The following NFE2L1 variants were observed in gnomAD, a reference collection of about 807,000 sequenced individuals.
NFE2L1 encodes the protein NFE2 like bZIP transcription factor 1, also known as endoplasmic reticulum membrane sensor NFE2L1.
Under a neutral mutation model 61.6 loss-of-function variants are expected in NFE2L1, and 18 were observed. The ratio of observed to expected loss-of-function variants is 0.29; its 90% CI spans 0.20 to 0.43. The LOEUF is 0.43. Among genes scored for constraint, NFE2L1 ranks in the 20% least tolerant of loss-of-function variants. The pLI, the probability that NFE2L1 is intolerant of heterozygous loss-of-function variation, is 1.00. For missense variants in NFE2L1, 827 were observed against 973.5 expected, an observed-to-expected ratio of 0.85 and a Z score of 2.00; for synonymous variants, 419 against 402.7, an observed-to-expected ratio of 1.04 and a Z score of -0.48.
chr17:48,056,632 T>C, intron 3 of NFE2L1, 34 bp downstream of exon 3: 1 of 1,607,540 alleles, frequency 6.2e-7, no homozygotes, highest in Non-Finnish European at 8.5e-7. Flanking sequence ...GCTCTCTTCT[T>C]GTCCCTACTA....
In NFE2L1 at chr17:48,056,399, T is replaced by C; in HGVS notation, c.524T>C (p.Ile175Thr). The change falls in exon 3 of 6, where the codon ATT becomes ACT. Residue 175 changes from isoleucine (I) to threonine (T), a missense_variant. Transcript: ENST00000362042. ...TCTGTCTTTCAGGACATAGATCTGA[T>C]TGACATCCTTTGGCGACAGGATATT... ...GDLTKEDIDL[I>T]DILWRQDIDL... 1.2e-6 allele frequency: 2 copies of C among 1,614,154 alleles called. No individual in the cohort carries two copies. Among genetic ancestry groups the C allele is most frequent in the South Asian group, 2.2e-5 (2 of 91,084 alleles).
At chr17:48,055,699 G>A (rs1258349492) in intron 2 of NFE2L1, among the ~76,000 whole-genome samples, 3 of 152,128 alleles carry the variant, frequency 2.0e-5, no homozygotes, top group Non-Finnish European at 2.9e-5. Context: ...CAGCAGCTAG[G>A]ATCAGCTGAG....
chr17:48,059,183 A>C lies in NFE2L1; in HGVS notation c.1861A>C (p.Met621Leu). Residue 621 changes from methionine (M) to leucine (L), a missense_variant, in exon 6 of 6, where the codon ATG becomes CTG. Met to Leu is a conservative substitution (Grantham distance 15). This residue lies in a region of NFE2L1 where 74 missense variants were observed against 127.8 expected (regional missense o/e 0.58). Transcript: ENST00000362042. This position sits in a 1 kb window ranked among gnomAD's most constrained non-coding sequence, Gnocchi z 6.1. ...CCGGGATGAGCACCGAGCCCGAGCC[A>C]TGAAGATCCCTTTCACCAATGACAA... is the stretch of plus-strand genomic sequence containing the variant. ...MSRDEHRARA[M>L]KIPFTNDKII... 6.2e-7 allele frequency: 1 copy of C among 1,614,138 alleles called. No individual in the cohort carries two copies. The highest frequency in any genetic ancestry group is 8.5e-7 in the Non-Finnish European group (1 of 1,180,024).
intron 2 of NFE2L1, among the ~76,000 whole-genome samples, chr17:48,053,185 G>T (rs2037299923): frequency 6.6e-6 from 1 of 152,124 alleles, no homozygotes; most frequent in Non-Finnish European, 1.5e-5. Flanking sequence ...CTGCATATCT[G>T]TTCCTGCTGG....
At chr17:48,057,561 T>C (rs927587619) in intron 5 of NFE2L1, 59 bp downstream of exon 5, 3 of 1,550,708 alleles carry the variant, frequency 1.9e-6, no homozygotes, top group African/African-American at 2.8e-5. Context: ...GTCTTAGCAC[T>C]CAGTTGCTTT....
In NFE2L1 at chr17:48,058,444, C is replaced by T; in HGVS notation, c.1122C>T (p.Asp374=). 1.2e-6 allele frequency: 2 copies of T among 1,614,172 alleles called. No homozygotes were observed. Among genetic ancestry groups the T allele is most frequent in the Non-Finnish European group, 1.7e-6 (2 of 1,180,022 alleles). The change falls in exon 6 of 6, where the codon GAC becomes GAT. Residue 374 remains aspartate, a synonymous_variant. Transcript: ENST00000362042. ...HQASLGGCSQ[D]FLLFSPEVES... is the part of the protein sequence containing the mutation. ...CGTCCCTGGGGGGCTGCAGCCAGGA[C>T]TTCTTACTCTTCAGCCCCGAGGTGG... is the stretch of plus-strand genomic sequence containing the variant.
intron 1 of NFE2L1, among the ~76,000 whole-genome samples, chr17:48,049,610 C>T (rs1466339880): frequency 2.0e-5 from 3 of 152,232 alleles, no homozygotes; most frequent in Admixed American, 2.0e-4. Flanking sequence ...TCAGGCTGGT[C>T]TCAAACTCCC....
In NFE2L1 at chr17:48,050,665, G is replaced by C; in HGVS notation, c.-454G>C. 2.3e-6 allele frequency: 1 copy of C among 431,478 alleles called. No homozygotes were observed. Among genetic ancestry groups the C allele is most frequent in the East Asian group, 3.3e-5 (1 of 30,448 alleles). The allele number at this position is 431,478 out of a possible 1,614,324, so 26.7% of individuals were successfully genotyped here. A position where few individuals can be genotyped will look rare whatever the true frequency, so the allele number is the denominator to read the frequency against. On this transcript the variant is annotated 5_prime_UTR_variant, in exon 2 of 6. Coordinates refer to ENST00000362042, the MANE Select transcript of NFE2L1 (RefSeq NM_003204.3). ...GAGGCGGGACACTCTGACCCAAGACGAAAGGCCTGTAGCTCCAGCCAAAGA... is the reference window on the plus strand; with the variant it reads ...GAGGCGGGACACTCTGACCCAAGACCAAAGGCCTGTAGCTCCAGCCAAAGA...
At position 48,056,606 on chromosome 17, in the gene NFE2L1, C is replaced by G. The variant is rs745469974; in HGVS notation, c.723+8C>G. 1 of 1,611,980 alleles carries G rather than the reference C, an allele frequency of 6.2e-7. No individual in the cohort carries two copies. The highest frequency in any genetic ancestry group is 1.7e-5 in the Admixed American group (1 of 59,976). On this transcript the variant is annotated splice_region_variant and intron_variant, in intron 3 of 5. Coordinates refer to ENST00000362042, the MANE Select transcript of NFE2L1 (RefSeq NM_003204.3). Reference sequence around the variant, plus strand: ...GAGAGCTTCCCTGCACAGGTACCATCGCCCCTGCTCACTGGGCTCTCTTCT... The same window carrying G: ...GAGAGCTTCCCTGCACAGGTACCATGGCCCCTGCTCACTGGGCTCTCTTCT...
chr17:48,056,733 T>A, intron 3 of NFE2L1, 135 bp downstream of exon 3: 1 of 1,147,448 alleles, frequency 8.7e-7, no homozygotes, highest in Non-Finnish European at 1.2e-6. Context: ...CTGTTTTGGG[T>A]TGGGGTCTGT....
intron 3 of NFE2L1, 72 bp downstream of exon 3, chr17:48,056,670 TC>T: frequency 1.9e-6 from 3 of 1,542,058 alleles, no homozygotes; most frequent in Non-Finnish European, 2.6e-6. Context: ...CTGGAGTTCT[TC>T]CAGAAACTTC....
intron 5 of NFE2L1, 136 bp downstream of exon 5, chr17:48,057,638 A>G: frequency 1.7e-6 from 2 of 1,163,888 alleles, no homozygotes; most frequent in Non-Finnish European, 2.4e-6. Flanking sequence ...CAATGAGAAG[A>G]AACCTGTCCA....
In NFE2L1 at chr17:48,058,962, A is replaced by C; in HGVS notation, c.1640A>C (p.Glu547Ala). Residue 547 changes from glutamate to alanine, a missense_variant, in exon 6 of 6, where the codon GAG (glutamate) becomes GCG (alanine). By Grantham distance (107) the Glu-to-Ala change is moderately radical. Around this residue, in one of 3 missense-constraint regions of NFE2L1, gnomAD observed 667 missense variants for 748.4 expected, o/e 0.89. Coordinates refer to ENST00000362042, the MANE Select transcript of NFE2L1 (RefSeq NM_003204.3). The stretch of plus-strand genomic sequence containing the variant: ...GAGGGTGCTGTGGGCTACCAGCCTG[A>C]GTATTCCAAGTTCTGCCGCATGAGC... ...EAEGAVGYQPEYSKFCRMSYQ... is the reference protein window; with the variant it reads ...EAEGAVGYQPAYSKFCRMSYQ... 1.2e-6 allele frequency: 2 copies of C among 1,614,064 alleles called. No homozygotes were observed. Among genetic ancestry groups the C allele is most frequent in the South Asian group, 1.1e-5 (1 of 91,084 alleles).
At chr17:48,053,720 C>T (rs556619037) in intron 2 of NFE2L1, among the ~76,000 whole-genome samples, 13 of 152,282 alleles carry the variant, frequency 8.5e-5, no homozygotes, top group South Asian at 8.3e-4. Context: ...AATTTCCCCT[C>T]GAGAAACCAA....
rs1273648841 is a variant in NFE2L1, at chr17:48,059,365, T to C, written c.2043T>C (p.Asn681=). 8.7e-6 allele frequency: 14 copies of C among 1,614,110 alleles called. No homozygotes were observed. In the East Asian group the frequency reaches 2.7e-4, roughly 31 times the overall value. Residue 681 remains asparagine, a synonymous_variant, in exon 6 of 6, where the codon AAT becomes AAC. Coordinates refer to ENST00000362042, the MANE Select transcript of NFE2L1 (RefSeq NM_003204.3). The surrounding 1 kb of genome is among the most constrained non-coding windows in gnomAD (Gnocchi z 6.1). ...CRKRKLDTIL[N]LERDVEDLQR... Reference sequence around the variant, plus strand: ...AGCGCAAGCTGGACACCATCCTGAATCTGGAGCGTGATGTGGAGGACCTGC... The same window carrying C: ...AGCGCAAGCTGGACACCATCCTGAACCTGGAGCGTGATGTGGAGGACCTGC...
At position 48,051,298 on chromosome 17, in the gene NFE2L1, T is replaced by C. The variant is rs138315104; in HGVS notation, c.180T>C (p.Asn60=). The C allele has an allele frequency of 8.1e-6, 13 of 1,613,890 alleles. No individual in the cohort carries two copies. Among genetic ancestry groups the C allele is most frequent in the Non-Finnish European group, 1.1e-5 (13 of 1,180,002 alleles). The stretch of plus-strand genomic sequence containing the variant: ...AGACCCAGTTCCACAACCTGAGGAA[T>C]ACCTTGGATGGCTATGGTATCCACC... ...YTQTQFHNLR[N]TLDGYGIHPK... is the part of the protein sequence containing the mutation. Residue 60 remains asparagine, a synonymous_variant, in exon 2 of 6, where the codon AAT becomes AAC. Transcript: ENST00000362042.
intron 2 of NFE2L1, chr17:48,055,193 C>G (rs965054352): frequency 5.4e-6 from 7 of 1,306,634 alleles, no homozygotes; most frequent in Non-Finnish European, 6.8e-6. Flanking sequence ...TCTGGGAGGT[C>G]TTAGGGTCAG....
chr17:48,053,125 C>A (rs1462692530), intron 2 of NFE2L1, among the ~76,000 whole-genome samples: 3 of 152,120 alleles, frequency 2.0e-5, no homozygotes, highest in Non-Finnish European at 4.4e-5. Context: ...AGGGTAGCTC[C>A]CCCAGGGGTG....
rs753504065 is a variant in NFE2L1, at chr17:48,059,293, C to T, written c.1971C>T (p.Asp657=). 2 of 1,614,128 alleles carry T rather than the reference C, an allele frequency of 1.2e-6. No individual in the cohort carries two copies. The highest frequency in any genetic ancestry group is 1.7e-5 in the Admixed American group (1 of 60,008). The change falls in exon 6 of 6, where the codon GAC becomes GAT. Residue 657 remains aspartate (D), a synonymous_variant. Coordinates refer to ENST00000362042, the MANE Select transcript of NFE2L1 (RefSeq NM_003204.3). This position sits in a 1 kb window ranked among gnomAD's most constrained non-coding sequence, Gnocchi z 6.1. ...AAGCCCAGCTGAGCCTCATCCGAGA[C>T]ATCCGGCGCCGGGGCAAGAACAAGA... The part of the protein sequence containing the change: ...LSEAQLSLIR[D]IRRRGKNKMA...
Sources: allele counts gnomAD v4.1 joint callset (sites outside exome capture counted in the v4.1 genomes callset), GRCh38; gene constraint gnomAD v4.1.1; regional missense constraint gnomAD v4.1.1; non-coding constraint Gnocchi (gnomAD v3.1); transcripts MANE v1.5; gene names NCBI Gene and HGNC (gene_info 2026-07-23, HGNC 2026-07-21).